The following RAD9B variants were observed in gnomAD, a reference collection of about 807,000 sequenced individuals.
The protein encoded by RAD9B is RAD9 checkpoint clamp component B.
Under a neutral mutation model 48.3 loss-of-function variants are expected in RAD9B, and 41 were observed. That is an observed-to-expected ratio of 0.85 (90% CI 0.66 to 1.10). RAD9B has a LOEUF of 1.10. RAD9B is among the 50% of genes least tolerant of loss of function. The pLI, the probability that RAD9B is intolerant of heterozygous loss-of-function variation, is 0.00. For synonymous variants in RAD9B, 160 were observed against 157.9 expected, an observed-to-expected ratio of 1.01 and a Z score of -0.10; for missense variants, 444 against 485.1, an observed-to-expected ratio of 0.92 and a Z score of 0.80.
At chr12:110,502,539 A>T in intron 1 of RAD9B, 156 bp downstream of exon 1, 1 of 771,408 alleles carries the variant, frequency 1.3e-6, no homozygotes, top group South Asian at 1.7e-5. Flanking sequence ...GTCCCTGTTA[A>T]CTTCTGAGGG....
At chr12:110,528,539 A>G (rs994418965) in intron 10 of RAD9B, among the ~76,000 whole-genome samples, 4 of 152,234 alleles carry the variant, frequency 2.6e-5, no homozygotes, top group African/African-American at 9.6e-5. Context: ...AAGTAACCCA[A>G]GTTCAGAGGC....
intron 6 of RAD9B, among the ~76,000 whole-genome samples, chr12:110,516,409 G>C (rs892971968): frequency 1.3e-5 from 2 of 152,156 alleles, no homozygotes; most frequent in African/African-American, 2.4e-5. Flanking sequence ...TGGCAATCTA[G>C]TTGTTTAATC....
At position 110,530,683 on chromosome 12, in the gene RAD9B, C is replaced by G. The variant is rs756184185; in HGVS notation, c.*30C>G. 68 of 1,611,808 alleles carry G rather than the reference C, an allele frequency of 4.2e-5. No individual in the cohort carries two copies. Among genetic ancestry groups the G allele is most frequent in the Non-Finnish European group, 1.1e-5 (13 of 1,178,658 alleles). On this transcript the variant is annotated 3_prime_UTR_variant, in exon 11 of 11. Transcript: ENST00000409300. ...TAATGATGGCTGAGCTGGGCCCCAG[C>G]CCAGTGACTGGCTCATTTGCCCCTC...
At position 110,522,261 on chromosome 12, in the gene RAD9B, G is replaced by A; in HGVS notation, c.975G>A (p.Arg325=). 1 of 1,612,546 alleles carries A rather than the reference G, an allele frequency of 6.2e-7. No individual in the cohort carries two copies. The highest frequency in any genetic ancestry group is 8.5e-7 in the Non-Finnish European group (1 of 1,179,334). The change falls in exon 10 of 11, where the codon AGG becomes AGA. Residue 325 remains arginine, a synonymous_variant. Coordinates refer to ENST00000409300, the MANE Select transcript of RAD9B (RefSeq NM_001286535.2). ...ECISKKAAPR[R]LYPKETLTNI... is the part of the protein sequence containing the mutation. The stretch of plus-strand genomic sequence containing the variant: ...TTTCAAAAAAAGCAGCACCAAGAAG[G>A]CTTTATCCTAAGGAGACTCTCACAA...
In RAD9B at chr12:110,519,409, TTTGTTG is replaced by T. The variant is rs200200978; in HGVS notation, c.768-351_768-346del. On this transcript the variant is annotated intron_variant, in intron 8 of 10. Coordinates refer to ENST00000409300, the MANE Select transcript of RAD9B (RefSeq NM_001286535.2). ...GTGAGCCATAGCACCCGGCCTACTG[TTTGTTG>T]TTGTTGTTGTTGTTGTTGTTGTTGT... 8.2e-3 allele frequency among the ~76,000 whole-genome samples: 956 copies of T among 116,778 alleles called. 7 individuals carry two copies. The highest frequency in any genetic ancestry group is 0.015 in the African/African-American group (353 of 23,934). The allele number at this position is 116,778 out of a possible 152,430, so 76.6% of individuals were successfully genotyped here. A position where few individuals can be genotyped will look rare whatever the true frequency, so the allele number is the denominator to read the frequency against.
chr12:110,511,408 T>G, intron 4 of RAD9B: 1 of 428,966 alleles, frequency 2.3e-6, no homozygotes, highest in South Asian at 1.7e-5. Context: ...ATAAAAATAA[T>G]GAAATCTTGT....
chr12:110,513,151 A>G (rs1035442882), intron 5 of RAD9B, among the ~76,000 whole-genome samples: 3 of 151,898 alleles, frequency 2.0e-5, no homozygotes, highest in African/African-American at 7.3e-5. Flanking sequence ...TATTTTTAAT[A>G]GAGACGGGGG....
intron 1 of RAD9B, 48 bp downstream of exon 1, chr12:110,502,431 C>A: frequency 6.3e-7 from 1 of 1,598,078 alleles, no homozygotes; most frequent in South Asian, 1.1e-5. Context: ...GAAAAGCAGA[C>A]GTTAATAGGT....
chr12:110,507,437 AAATAT>A (rs1054102086), intron 4 of RAD9B, among the ~76,000 whole-genome samples: 2 of 139,698 alleles, frequency 1.4e-5, no homozygotes, highest in Non-Finnish European at 3.0e-5. Flanking sequence ...TATATGTATT[AAATAT>A]AATATATAAC....
chr12:110,505,657 G>A lies in RAD9B; in HGVS notation c.158G>A (p.Gly53Glu), dbSNP rs1385355823. The part of the protein sequence containing the change: ...RCVNSSRSAY[G>E]CVLFSPVFFQ... ...GTGAATTCTTCTCGGTCAGCATATGGATGTGTCCTGTTCTCTCCTGTGTTT... is the reference window on the plus strand; with the variant it reads ...GTGAATTCTTCTCGGTCAGCATATGAATGTGTCCTGTTCTCTCCTGTGTTT... The change falls in exon 3 of 11, where the codon GGA becomes GAA. Residue 53 changes from glycine (G) to glutamate (E), a missense_variant. Physicochemically the swap from Gly to Glu is moderately conservative, Grantham distance 98 (BLOSUM62 -2). Transcript: ENST00000409300. 1 of 1,576,904 alleles carries A rather than the reference G, an allele frequency of 6.3e-7. No individual in the cohort carries two copies. The highest frequency in any genetic ancestry group is 8.6e-7 in the Non-Finnish European group (1 of 1,159,872).
rs1565888229 is a variant in RAD9B at position 110,515,080 on chromosome 12, ATCAAG to A, written c.525_529del (p.Ser175ArgfsTer18). The A allele has an allele frequency of 1.3e-6, 2 of 1,555,732 alleles. No individual in the cohort carries two copies. Among genetic ancestry groups the A allele is most frequent in the Non-Finnish European group, 1.7e-6 (2 of 1,148,230 alleles). On this transcript the variant is annotated frameshift_variant, in exon 6 of 11. Coordinates refer to ENST00000409300, the MANE Select transcript of RAD9B (RefSeq NM_001286535.2). LOFTEE classifies it high-confidence loss of function. Reference sequence around the variant, plus strand: ...TTGCTGATGCCATTGTTCTTTTTACATCAAGTCAAGAGGAAGTTACTCTTGCTGTT... The same window carrying A: ...TTGCTGATGCCATTGTTCTTTTTACATCAAGAGGAAGTTACTCTTGCTGTT...
chr12:110,502,652 A>C, intron 1 of RAD9B: 1 of 480,182 alleles, frequency 2.1e-6, no homozygotes, highest in East Asian at 3.6e-5. Flanking sequence ...GATGCTGAGG[A>C]CTGCATGGGG....
chr12:110,512,306 G>A (rs1294828687), intron 4 of RAD9B, among the ~76,000 whole-genome samples: 2 of 151,954 alleles, frequency 1.3e-5, no homozygotes, highest in Non-Finnish European at 2.9e-5. Flanking sequence ...GCACCACCAT[G>A]CCCGACTGAT....
At chr12:110,505,467 G>T (rs930316518) in intron 2 of RAD9B, 150 bp from the exon 3 acceptor site, 8 of 469,718 alleles carry the variant, frequency 1.7e-5, no homozygotes, top group Non-Finnish European at 2.9e-5. Flanking sequence ...AAAAAATAGA[G>T]GTGGGGTCTT....
intron 4 of RAD9B, among the ~76,000 whole-genome samples, 193 bp from the exon 5 acceptor site, chr12:110,512,586 G>T (rs2063492205): frequency 6.6e-6 from 1 of 152,200 alleles, no homozygotes; most frequent in African/African-American, 2.4e-5. Context: ...CAGAAGGTAT[G>T]ACATATTGCT....
chr12:110,517,245 T>C (rs1283710865), intron 6 of RAD9B, among the ~76,000 whole-genome samples: 2 of 152,090 alleles, frequency 1.3e-5, no homozygotes, highest in Admixed American at 1.3e-4. Context: ...AGGGGATCAC[T>C]TGAGCTCAAG....
chr12:110,527,236 C>T (rs1047268379), intron 10 of RAD9B, among the ~76,000 whole-genome samples: 1 of 152,140 alleles, frequency 6.6e-6, no homozygotes, highest in African/African-American at 2.4e-5. Context: ...TCCACACAGC[C>T]GCACTCTGAC....
chr12:110,507,366 TATATATAATATATGTATTATATATA>T lies in RAD9B; in HGVS notation c.388+693_388+717del, dbSNP rs1196585442. On this transcript the variant is annotated intron_variant, in intron 4 of 10. Transcript: ENST00000409300. ...TGTATATTATATATATAATATGTAT[TATATATAATATATGTATTATATATA>T]ATATATAATATATGTATTAAATATA... Among the ~76,000 whole-genome samples the T allele has an allele frequency of 4.3e-3, 624 of 144,488 alleles. 4 individuals are homozygous for T. Among genetic ancestry groups the T allele is most frequent in the Non-Finnish European group, 7.0e-3 (468 of 66,578 alleles). 94.8% of individuals were successfully genotyped at this position (144,488 alleles called of 152,430 possible). A position where few individuals can be genotyped will look rare whatever the true frequency, so the allele number is the denominator to read the frequency against.
chr12:110,517,278 A>C (rs556189134), intron 6 of RAD9B, among the ~76,000 whole-genome samples: 37 of 152,266 alleles, frequency 2.4e-4, no homozygotes, highest in African/African-American at 8.9e-4. Flanking sequence ...CAGGTGAGCT[A>C]TGATCATGCC....
Sources: gnomAD v4.1 joint callset for allele counts (sites outside exome capture counted in the v4.1 genomes callset) on GRCh38, gnomAD v4.1.1 for gene constraint, MANE v1.5 for transcripts, NCBI Gene and HGNC (gene_info 2026-07-23, HGNC 2026-07-21) for gene names.